NKAIN3: variants seen among roughly 807,000 people sequenced by gnomAD.
NKAIN3 encodes the protein sodium/potassium-transporting ATPase subunit beta-1-interacting protein 3.
NKAIN3 carries 25 observed loss-of-function variants against 30.2 expected under a neutral mutation model. The observed-to-expected ratio is 0.83, with a 90% CI of 0.60 to 1.16. The LOEUF is 1.16. NKAIN3 is among the 50% of genes most tolerant of loss of function. The probability of loss-of-function intolerance (pLI) is 0.00; values close to 1 mark genes in which losing one functional copy is unlikely to be tolerated. For synonymous variants in NKAIN3, 91 were observed against 89.6 expected (o/e 1.02, Z -0.09); for missense variants, 225 against 254.1 (o/e 0.89, Z 0.78).
chr8:62,485,663 A>T (rs189685192), intron 1 of NKAIN3, among the ~76,000 whole-genome samples: 2 of 152,330 alleles, frequency 1.3e-5, no homozygotes, highest in African/African-American at 2.4e-5. Flanking sequence ...AGCAGTGCTG[A>T]GGACGGGGTG....
chr8:62,617,660 C>A (rs1253950054), intron 3 of NKAIN3, among the ~76,000 whole-genome samples: 2 of 152,174 alleles, frequency 1.3e-5, no homozygotes, highest in Non-Finnish European at 2.9e-5. Flanking sequence ...ATAATTTAAT[C>A]CTGGTCAGCC....
chr8:62,440,748 T>A (rs570847014), intron 1 of NKAIN3, among the ~76,000 whole-genome samples: 2 of 152,022 alleles, frequency 1.3e-5, no homozygotes, highest in South Asian at 4.2e-4. Flanking sequence ...GAAATACAGA[T>A]GTCAATGAAA....
intron 4 of NKAIN3, chr8:62,863,656 T>C: frequency 2.2e-6 from 3 of 1,345,844 alleles, no homozygotes; most frequent in Non-Finnish European, 3.2e-6. Flanking sequence ...GATAACTTTC[T>C]CGAACACATT....
intron 1 of NKAIN3, among the ~76,000 whole-genome samples, chr8:62,314,093 A>C (rs191304867): frequency 6.6e-5 from 10 of 152,274 alleles, no homozygotes; most frequent in East Asian, 1.9e-4. Context: ...CTGAATAACT[A>C]TCTCTCAAGT....
chr8:62,466,080 C>A, intron 1 of NKAIN3, among the ~76,000 whole-genome samples: 1 of 151,978 alleles, frequency 6.6e-6, no homozygotes, highest in African/African-American at 2.4e-5. Context: ...AGGTAATTTC[C>A]AGGGTTTCTA....
chr8:62,479,293 G>A lies in NKAIN3; in HGVS notation c.55-100246G>A, dbSNP rs1325348710. The stretch of plus-strand genomic sequence containing the variant: ...TCTTATATCCTAGGTTCTCTGACAG[G>A]TACTCTACCTACATTATCTCATTTG... On this transcript the variant is annotated intron_variant, in intron 1 of 6. Coordinates refer to ENST00000623646, the MANE Select transcript of NKAIN3 (RefSeq NM_001304533.3). Among the ~76,000 whole-genome samples, 4 of 152,064 alleles carry A rather than the reference G, an allele frequency of 2.6e-5. No homozygotes were observed. In the East Asian group the frequency reaches 7.7e-4, roughly 29 times the overall value.
At chr8:62,379,119 G>T (rs917096565) in intron 1 of NKAIN3, among the ~76,000 whole-genome samples, 1 of 152,200 alleles carries the variant, frequency 6.6e-6, no homozygotes, top group African/African-American at 2.4e-5. Flanking sequence ...GAAATTTAAG[G>T]TTTAATGACA....
intron 4 of NKAIN3, among the ~76,000 whole-genome samples, chr8:62,875,132 G>A (rs567439746): frequency 9.5e-4 from 145 of 152,148 alleles, no homozygotes; most frequent in Non-Finnish European, 1.6e-3. Context: ...CAAAGTCTCA[G>A]GATACAAAAC....
intron 1 of NKAIN3, among the ~76,000 whole-genome samples, chr8:62,423,059 G>T (rs1352792116): frequency 2.0e-5 from 3 of 152,004 alleles, no homozygotes; most frequent in African/African-American, 7.2e-5. Flanking sequence ...CCATTTTCAA[G>T]GTAGCTGGGA....
At chr8:62,951,612 C>T (rs1823286698) in intron 5 of NKAIN3, among the ~76,000 whole-genome samples, 2 of 152,060 alleles carry the variant, frequency 1.3e-5, no homozygotes, top group South Asian at 2.1e-4. Flanking sequence ...GCACATGCCA[C>T]CACGTCCAGC....
chr8:62,788,853 G>A (rs1187016042), intron 4 of NKAIN3, among the ~76,000 whole-genome samples: 8 of 152,068 alleles, frequency 5.3e-5, no homozygotes, highest in East Asian at 1.9e-4. Flanking sequence ...GTAGATATGC[G>A]GCATTATTTC....
At chr8:62,778,479 C>T (rs1475202608) in intron 4 of NKAIN3, among the ~76,000 whole-genome samples, 1 of 152,100 alleles carries the variant, frequency 6.6e-6, no homozygotes, top group Non-Finnish European at 1.5e-5. Context: ...ACTCTTCCCA[C>T]AGTCACCACT....
intron 4 of NKAIN3, among the ~76,000 whole-genome samples, chr8:62,912,656 T>C (rs2130851150): frequency 6.6e-6 from 1 of 152,284 alleles, no homozygotes; most frequent in East Asian, 1.9e-4. Context: ...ACGCCTCTAA[T>C]CCCAACACTT....
At chr8:62,403,857 T>G (rs142489276) in intron 1 of NKAIN3, among the ~76,000 whole-genome samples, 128 of 152,264 alleles carry the variant, frequency 8.4e-4, no homozygotes, top group African/African-American at 2.8e-3. Context: ...GAATGGTAGA[T>G]CCACTGACCG....
chr8:62,793,819 C>A (rs889695841), intron 4 of NKAIN3, among the ~76,000 whole-genome samples: 1 of 152,116 alleles, frequency 6.6e-6, no homozygotes, highest in Non-Finnish European at 1.5e-5. Flanking sequence ...AATGTCATTA[C>A]CCAGAATGTC....
intron 4 of NKAIN3, among the ~76,000 whole-genome samples, chr8:62,770,313 G>C: frequency 6.6e-6 from 1 of 152,218 alleles, no homozygotes; most frequent in East Asian, 1.9e-4. Flanking sequence ...TGCAATAGCA[G>C]AGGATAGGAG....
chr8:62,709,761 G>A (rs1040029150), intron 3 of NKAIN3, among the ~76,000 whole-genome samples: 1 of 151,728 alleles, frequency 6.6e-6, no homozygotes, highest in Non-Finnish European at 1.5e-5. Flanking sequence ...TCTTCTGCTG[G>A]GTTTGGATTT....
At chr8:62,757,501 C>T (rs559978671) in intron 4 of NKAIN3, among the ~76,000 whole-genome samples, 6 of 152,258 alleles carry the variant, frequency 3.9e-5, no homozygotes, top group South Asian at 2.1e-4. Flanking sequence ...GTTGAATTGA[C>T]GTGGTCCTTC....
At chr8:62,922,951 C>T (rs1459974124) in intron 5 of NKAIN3, among the ~76,000 whole-genome samples, 2 of 152,050 alleles carry the variant, frequency 1.3e-5, no homozygotes, top group Admixed American at 6.6e-5. Flanking sequence ...GTTTTGCTCC[C>T]CACTGTAACC....
Sources: allele counts gnomAD v4.1 joint callset (sites outside exome capture counted in the v4.1 genomes callset), GRCh38; gene constraint gnomAD v4.1.1; transcripts MANE v1.5; gene names NCBI Gene and HGNC (gene_info 2026-07-23, HGNC 2026-07-21).